The following ERC2 variants were observed in gnomAD, a reference collection of about 807,000 sequenced individuals.
ERC2 encodes ERC protein 2.
In ERC2, 42 loss-of-function variants were observed where a neutral mutation model predicts 114.8. That is an observed-to-expected ratio of 0.37 (90% CI 0.29 to 0.47). The LOEUF (loss-of-function observed/expected upper bound fraction) is 0.47, where lower values mean the gene tolerates loss of function less well. Ranked by LOEUF, ERC2 falls within the 20% of genes least tolerant of loss-of-function variation. The probability of loss-of-function intolerance (pLI) is 0.99; values close to 1 mark genes in which losing one functional copy is unlikely to be tolerated. For missense variants in ERC2, 939 were observed against 1,150.7 expected (o/e 0.82, Z 2.66); for synonymous variants, 454 against 425.5 (o/e 1.07, Z -0.82).
chr3:55,776,223 G>A (rs190853888), intron 14 of ERC2, among the ~76,000 whole-genome samples: 10 of 152,174 alleles, frequency 6.6e-5, no homozygotes, highest in Non-Finnish European at 1.3e-4. Context: ...GCCACACGGG[G>A]CCTCCATTTG....
At chr3:55,714,438 A>C (rs1314691011) in intron 15 of ERC2, among the ~76,000 whole-genome samples, 1 of 152,052 alleles carries the variant, frequency 6.6e-6, no homozygotes, top group Non-Finnish European at 1.5e-5. Context: ...GCTTTGGTTT[A>C]TCAAATCATT....
chr3:56,425,824 G>A (rs954162269), intron 2 of ERC2, among the ~76,000 whole-genome samples: 1 of 152,108 alleles, frequency 6.6e-6, no homozygotes, highest in Non-Finnish European at 1.5e-5. Flanking sequence ...GTAATAGAAT[G>A]ACCAAACAAC....
chr3:56,329,022 T>G (rs981291381), intron 2 of ERC2, among the ~76,000 whole-genome samples: 1 of 152,218 alleles, frequency 6.6e-6, no homozygotes, highest in African/African-American at 2.4e-5. Context: ...AGTCCATGGA[T>G]AGTGAAGCTT....
chr3:55,753,824 C>T (rs1477426760), intron 14 of ERC2, among the ~76,000 whole-genome samples: 2 of 152,148 alleles, frequency 1.3e-5, no homozygotes, highest in Non-Finnish European at 2.9e-5. Context: ...TTTCTAAATG[C>T]ACCAAACTTG....
chr3:56,264,468 G>A (rs2150273080), intron 3 of ERC2, among the ~76,000 whole-genome samples: 1 of 152,058 alleles, frequency 6.6e-6, no homozygotes, highest in African/African-American at 2.4e-5. Flanking sequence ...ATGGTGGCGT[G>A]CACCTGTAAT....
rs190879501 is a variant in ERC2 at position 55,815,342 on chromosome 3, C to T, written c.2564+73047G>A. On this transcript the variant is annotated intron_variant, in intron 14 of 17. Transcript: ENST00000288221. The stretch of plus-strand genomic sequence containing the variant: ...TTGCAAACATAATTAAGGTCACTGA[C>T]GAGCTTTGCCTTTAAAACAGGCAAA... Among the ~76,000 whole-genome samples the T allele has an allele frequency of 5.4e-3, 821 of 152,260 alleles. 6 individuals carry two copies. The highest frequency in any genetic ancestry group is 5.5e-3 in the Non-Finnish European group (376 of 68,022).
At chr3:55,543,301 G>A (rs1306331953) in intron 17 of ERC2, among the ~76,000 whole-genome samples, 1 of 152,222 alleles carries the variant, frequency 6.6e-6, no homozygotes, top group Non-Finnish European at 1.5e-5. Flanking sequence ...GGTTACATCA[G>A]CCAGTAACAT....
chr3:55,985,916 G>A lies in ERC2; in HGVS notation c.2267+61C>T, dbSNP rs945491065. On this transcript the variant is annotated intron_variant, in intron 12 of 17. Transcript: ENST00000288221. ...TCAGAAATGTGTTTGTTAAACAAGT[G>A]CAAGCCATAAATTGAGCTTAGGAGG... The A allele has an allele frequency of 4.2e-6, 6 of 1,433,664 alleles. No individual in the cohort carries two copies. The Middle Eastern group carries it at 5.2e-4, about 124-fold the overall frequency. 88.8% of individuals were successfully genotyped at this position (1,433,664 alleles called of 1,614,324 possible). A position where few individuals can be genotyped will look rare whatever the true frequency, so the allele number is the denominator to read the frequency against.
At position 55,609,129 on chromosome 3, in the gene ERC2, G is replaced by A. The variant is rs1011125964; in HGVS notation, c.*39+74665C>T. Among the ~76,000 whole-genome samples, 11 of 152,112 alleles carry A rather than the reference G, an allele frequency of 7.2e-5. 1 individual carries two copies. The highest frequency in any genetic ancestry group is 7.3e-5 in the African/African-American group (3 of 41,374). On this transcript the variant is annotated intron_variant, in intron 17 of 17. Transcript: ENST00000288221. ...TCAAGCAGCTAGTGTTAACAGCAAC[G>A]CTAGGGCAAGACCTAAGTCTTCCAC... is the stretch of plus-strand genomic sequence containing the variant.
At chr3:55,595,699 G>C (rs1454154198) in intron 17 of ERC2, among the ~76,000 whole-genome samples, 4 of 152,172 alleles carry the variant, frequency 2.6e-5, no homozygotes, top group African/African-American at 9.7e-5. Flanking sequence ...AGTTTTACAG[G>C]AGCTATTTAA....
intron 17 of ERC2, among the ~76,000 whole-genome samples, chr3:55,575,891 C>G (rs1292200213): frequency 6.6e-6 from 1 of 152,206 alleles, no homozygotes; most frequent in Admixed American, 6.5e-5. Context: ...CCTTTATAAA[C>G]AAGCACGTAG....
intron 12 of ERC2, among the ~76,000 whole-genome samples, chr3:55,974,702 G>A (rs974360309): frequency 6.6e-6 from 1 of 152,138 alleles, no homozygotes; most frequent in Non-Finnish European, 1.5e-5. Flanking sequence ...ACTGTCTCCA[G>A]TCTACGAAGC....
chr3:55,784,273 CTG>C (rs1053621033), intron 14 of ERC2, among the ~76,000 whole-genome samples: 3 of 152,014 alleles, frequency 2.0e-5, no homozygotes, highest in Non-Finnish European at 2.9e-5. Context: ...GGAATGAAGA[CTG>C]TGAGAGAAAC....
rs543852154 is a variant in ERC2, at chr3:56,224,420, G to A, written c.1075-50900C>T. On this transcript the variant is annotated intron_variant, in intron 3 of 17. Transcript: ENST00000288221. ...ACCAGGAGTTCAAGCTACAGCTTGAGTGGCAGGGGTGAGGGGTTTTTCATG... is the reference window on the plus strand; with the variant it reads ...ACCAGGAGTTCAAGCTACAGCTTGAATGGCAGGGGTGAGGGGTTTTTCATG... Among the ~76,000 whole-genome samples, 3 of 152,308 alleles carry A rather than the reference G, an allele frequency of 2.0e-5. No homozygotes were observed. In the East Asian group the frequency reaches 5.8e-4, roughly 29 times the overall value.
chr3:56,377,142 G>A (rs1560703746), intron 2 of ERC2, among the ~76,000 whole-genome samples: 1 of 152,146 alleles, frequency 6.6e-6, no homozygotes, highest in Non-Finnish European at 1.5e-5. Flanking sequence ...GTCTAGTACA[G>A]TGCCTGCCAC....
intron 7 of ERC2, among the ~76,000 whole-genome samples, chr3:56,033,063 A>AGAAAGAAG (rs2074571552): frequency 6.7e-6 from 1 of 149,274 alleles, no homozygotes; most frequent in South Asian, 2.1e-4. Context: ...AAAGAAAGAA[A>AGAAAGAAG]GAAAGAAAGA....
chr3:56,218,459 A>G (rs2049655717), intron 3 of ERC2, among the ~76,000 whole-genome samples: 1 of 152,266 alleles, frequency 6.6e-6, no homozygotes, highest in Non-Finnish European at 1.5e-5. Flanking sequence ...CACACCAGTT[A>G]GAATGGCGAT....
At chr3:55,990,018 TCA>T (rs1293782065) in intron 11 of ERC2, among the ~76,000 whole-genome samples, 8 of 152,208 alleles carry the variant, frequency 5.3e-5, no homozygotes, top group East Asian at 1.9e-4. Flanking sequence ...TTTCAAGATC[TCA>T]GTTTCCTAAT....
chr3:55,528,449 C>T (rs368282266), intron 17 of ERC2, among the ~76,000 whole-genome samples: 224 of 152,278 alleles, frequency 1.5e-3, no homozygotes, highest in African/African-American at 5.1e-3. Flanking sequence ...TAAATGTTAT[C>T]GGCATCATCA....
Sources: gnomAD v4.1 joint callset for allele counts (sites outside exome capture counted in the v4.1 genomes callset) on GRCh38, gnomAD v4.1.1 for gene constraint, MANE v1.5 for transcripts, NCBI Gene and HGNC (gene_info 2026-07-23, HGNC 2026-07-21) for gene names.